Variants in SMARCC2 observed in about 807,000 individuals in gnomAD.
SMARCC2 encodes the protein SWI/SNF complex subunit SMARCC2.
Under a neutral mutation model 151.3 loss-of-function variants are expected in SMARCC2, and 15 were observed. The ratio of observed to expected loss-of-function variants is 0.10; its 90% CI spans 0.07 to 0.15. The LOEUF (loss-of-function observed/expected upper bound fraction) is 0.15, where lower values mean the gene tolerates loss of function less well. Ranked by LOEUF, SMARCC2 falls within the 10% of genes least tolerant of loss-of-function variation. SMARCC2 has a pLI of 1.00. For synonymous variants in SMARCC2, 590 were observed against 609.5 expected, an observed-to-expected ratio of 0.97 and a Z score of 0.47; for missense variants, 1,031 against 1,599.7, an observed-to-expected ratio of 0.64 and a Z score of 6.06.
At position 56,181,581 on chromosome 12, in the gene SMARCC2, G is replaced by GA; in HGVS notation, c.856dup (p.Ser286PhefsTer12). 6.3e-7 allele frequency: 1 copy of GA among 1,599,644 alleles called. No homozygotes were observed. The highest frequency in any genetic ancestry group is 8.5e-7 in the Non-Finnish European group (1 of 1,172,374). On this transcript the variant is annotated frameshift_variant, in exon 10 of 29. Transcript: ENST00000550164. LOFTEE classifies it high-confidence loss of function. ...TCCCCCCTTCTTGTCCCGTCGATCT[G>GA]AATCTGGGCTGTTCACCTATAGGAT...
intron 25 of SMARCC2, among the ~76,000 whole-genome samples, 195 bp from the exon 26 acceptor site, chr12:56,168,389 T>TC (rs1444471851): frequency 6.6e-6 from 1 of 151,362 alleles, no homozygotes; most frequent in Non-Finnish European, 1.5e-5. Flanking sequence ...TTCTTTTTTT[T>TC]TTTTTGGGAC....
Position 56,162,497 on chromosome 12 carries a change from G to A in SMARCC2, c.*1192C>T. The A allele has an allele frequency of 1.8e-6, 1 of 566,044 alleles. No homozygotes were observed. The highest frequency in any genetic ancestry group is 3.1e-6 in the Non-Finnish European group (1 of 323,914). The allele number at this position is 566,044 out of a possible 1,614,324, so 35.1% of individuals were successfully genotyped here. A position where few individuals can be genotyped will look rare whatever the true frequency, so the allele number is the denominator to read the frequency against. On this transcript the variant is annotated 3_prime_UTR_variant, in exon 29 of 29. Coordinates refer to ENST00000550164, the MANE Select transcript of SMARCC2 (RefSeq NM_001330288.2). ...AACATGGGGACATGAGGAACAAAGG[G>A]CCTGGTGGGAGGAACCAAGAAGAAC...
At chr12:56,181,866 G>A (rs770268368) in intron 8 of SMARCC2, 31 bp from the exon 9 acceptor site, 1 of 1,613,978 alleles carries the variant, frequency 6.2e-7, no homozygotes, top group Non-Finnish European at 8.5e-7. Context: ...ATGCTGCAGA[G>A]AAGCCTGGAA....
In SMARCC2 at chr12:56,184,222, T is replaced by C; in HGVS notation, c.515A>G (p.Asn172Ser). Residue 172 changes from asparagine to serine, a missense_variant, in exon 6 of 29, where the codon AAC (asparagine) becomes AGC (serine). By Grantham distance (46) the Asn-to-Ser change is conservative (BLOSUM62 1). This residue lies in a region of SMARCC2 where 123 missense variants were observed against 190.4 expected (regional missense o/e 0.65). Transcript: ENST00000550164. ...AGGATACACAACATGGGAGGCATTG[T>C]TCTTATCCTCAGTGACTGTTCCCTG... Reference protein sequence around the residue: ...RHQGTVTEDKNNASHVVYPVP... With the variant: ...RHQGTVTEDKSNASHVVYPVP... 1.2e-6 allele frequency: 2 copies of C among 1,613,514 alleles called. No individual in the cohort carries two copies. The highest frequency in any genetic ancestry group is 2.2e-5 in the East Asian group (1 of 44,890).
At chr12:56,174,527 T>C (rs1284684251) in intron 16 of SMARCC2, 124 bp downstream of exon 16, 1 of 657,430 alleles carries the variant, frequency 1.5e-6, no homozygotes, top group Non-Finnish European at 2.8e-6. Context: ...TACTTCACCT[T>C]TCTCTAGAGG....
chr12:56,184,152 G>A (rs768060525), intron 6 of SMARCC2, 23 bp downstream of exon 6: 10 of 1,584,036 alleles, frequency 6.3e-6, no homozygotes, highest in Non-Finnish European at 8.7e-6. Context: ...CCACTCAAGT[G>A]GACAGGAAAA....
Position 56,178,554 on chromosome 12 carries a change from T to C in SMARCC2, c.1180-20A>G. 6.2e-7 allele frequency: 1 copy of C among 1,614,198 alleles called. No individual in the cohort carries two copies. On this transcript the variant is annotated intron_variant, in intron 13 of 28. Coordinates refer to ENST00000550164, the MANE Select transcript of SMARCC2 (RefSeq NM_001330288.2). Reference sequence around the variant, plus strand: ...CTCATCCTACGAGTATGGAGGCTGCTGGACACTCAGCATTCCTGCTTCCTC... The same window carrying C: ...CTCATCCTACGAGTATGGAGGCTGCCGGACACTCAGCATTCCTGCTTCCTC...
At chr12:56,170,883 C>T (rs563960853) in intron 22 of SMARCC2, among the ~76,000 whole-genome samples, 1 of 152,064 alleles carries the variant, frequency 6.6e-6, no homozygotes, top group South Asian at 2.1e-4. Context: ...CAGGCACGTG[C>T]CACCACGCCC....
rs942522856 is a variant in SMARCC2 at position 56,172,952 on chromosome 12, C to T, written c.1728G>A (p.Lys576=). Residue 576 remains lysine (K), a synonymous_variant, in exon 18 of 29, where the codon AAG becomes AAA. Coordinates refer to ENST00000550164, the MANE Select transcript of SMARCC2 (RefSeq NM_001330288.2). ...CCCCACCTACCAGCTCTGGCTTGCC[C>T]TTAGCCGTCTCTGGCACCAGGTCAT... is the stretch of plus-strand genomic sequence containing the variant. ...ELDDLVPETA[K]GKPELQTSAS... is the part of the protein sequence containing the mutation. 1 of 1,613,604 alleles carries T rather than the reference C, an allele frequency of 6.2e-7. No homozygotes were observed.
intron 16 of SMARCC2, among the ~76,000 whole-genome samples, chr12:56,174,268 CCTAG>C (rs1874517289): frequency 6.6e-6 from 1 of 152,158 alleles, no homozygotes; most frequent in South Asian, 2.1e-4. Flanking sequence ...TGCCACCATG[CCTAG>C]CTAATTTTTT....
intron 15 of SMARCC2, among the ~76,000 whole-genome samples, chr12:56,177,008 A>G (rs1875137147): frequency 1.3e-5 from 2 of 151,128 alleles, no homozygotes; most frequent in South Asian, 4.2e-4. Context: ...TTTAGTAGAG[A>G]CGGGGTTTCT....
intron 7 of SMARCC2, 142 bp from the exon 8 acceptor site, chr12:56,182,221 G>A: frequency 1.8e-6 from 1 of 559,864 alleles, no homozygotes; most frequent in African/African-American, 1.9e-5. Flanking sequence ...TTATAAAGTA[G>A]TAAAAGCACA....
intron 13 of SMARCC2, 28 bp downstream of exon 13, chr12:56,178,782 A>G (rs1476201001): frequency 6.2e-7 from 1 of 1,604,242 alleles, no homozygotes; most frequent in Non-Finnish European, 8.5e-7. Flanking sequence ...TCACATAGAG[A>G]GGTAGGGCCT....
intron 27 of SMARCC2, 60 bp from the exon 28 acceptor site, chr12:56,164,791 C>T (rs1396053344): frequency 7.3e-7 from 1 of 1,372,658 alleles, no homozygotes; most frequent in Admixed American, 2.4e-5. Flanking sequence ...AACAACTCAC[C>T]TTTTCTATTT....
intron 20 of SMARCC2, 52 bp downstream of exon 20, chr12:56,172,376 G>A (rs969539852): frequency 3.3e-5 from 49 of 1,482,372 alleles, no homozygotes; most frequent in East Asian, 2.7e-4. Context: ...GCCTCTACAC[G>A]GAGCCCACTT....
intron 16 of SMARCC2, 80 bp from the exon 17 acceptor site, chr12:56,173,929 G>T: frequency 7.2e-7 from 1 of 1,382,730 alleles, no homozygotes; most frequent in Non-Finnish European, 1.0e-6. Flanking sequence ...GGGGGTAGAA[G>T]GGGCATAAAC....
intron 2 of SMARCC2, 29 bp downstream of exon 2, chr12:56,187,151 ACCACCCC>A: frequency 6.3e-7 from 1 of 1,581,628 alleles, no homozygotes; most frequent in African/African-American, 1.3e-5. Flanking sequence ...ATTCACCACC[ACCACCCC>A]CCACCCTCCC....
At chr12:56,188,844 C>A (rs1877788473) in intron 1 of SMARCC2, among the ~76,000 whole-genome samples, 1 of 152,124 alleles carries the variant, frequency 6.6e-6, no homozygotes. Flanking sequence ...CTTTTTCAGG[C>A]TGATGAGCAG....
At chr12:56,173,669 C>T (rs769060529) in intron 17 of SMARCC2, 27 bp downstream of exon 17, 2 of 1,584,028 alleles carry the variant, frequency 1.3e-6, no homozygotes, top group South Asian at 1.1e-5. Context: ...TCCCAACCCG[C>T]CCCATCCCCA....
Sources: gnomAD v4.1 joint callset for allele counts (sites outside exome capture counted in the v4.1 genomes callset) on GRCh38, gnomAD v4.1.1 for gene constraint, gnomAD v4.1.1 regional missense constraint, MANE v1.5 for transcripts, NCBI Gene and HGNC (gene_info 2026-07-23, HGNC 2026-07-21) for gene names.